The following ANKRD44 variants were observed in gnomAD, a reference collection of about 807,000 sequenced individuals.
The protein encoded by ANKRD44 is ankyrin repeat domain 44, also known as serine/threonine-protein phosphatase 6 regulatory ankyrin repeat subunit B.
In ANKRD44, 35 loss-of-function variants were observed where a neutral mutation model predicts 116.0. The ratio of observed to expected loss-of-function variants is 0.30; its 90% CI spans 0.23 to 0.40. ANKRD44 has a LOEUF of 0.40. Ranked by LOEUF, ANKRD44 falls within the 10% of genes least tolerant of loss-of-function variation. The pLI is 1.00. For missense variants in ANKRD44, 1,014 were observed against 1,242.6 expected, an observed-to-expected ratio of 0.82 and a Z score of 2.77; for synonymous variants, 435 against 461.8, an observed-to-expected ratio of 0.94 and a Z score of 0.74.
chr2:197,005,593 C>G (rs1035760614), intron 21 of ANKRD44, 101 bp downstream of exon 21: 2 of 1,087,422 alleles, frequency 1.8e-6, no homozygotes, highest in African/African-American at 3.2e-5. Context: ...AGATTAGAAA[C>G]CATGGTTTGC....
downstream of ANKRD44, among the ~76,000 whole-genome samples, chr2:196,983,838 T>C (rs1037164289): frequency 6.6e-6 from 1 of 152,194 alleles, no homozygotes; most frequent in African/African-American, 2.4e-5. Flanking sequence ...TGCCCCACCT[T>C]TGTGAGCAGG....
At position 197,160,991 on chromosome 2, in the gene ANKRD44, G is replaced by C. The variant is rs1489312578; in HGVS notation, c.112-13886C>G. 2.0e-5 allele frequency among the ~76,000 whole-genome samples: 3 copies of C among 152,074 alleles called. No individual in the cohort carries two copies. In the East Asian group the frequency reaches 5.8e-4, roughly 29 times the overall value. Reference sequence around the variant, plus strand: ...TAAATCCACCACAGACTCATTACAGGTCCTCAGGCAGATAACCAGGGGGTC... The same window carrying C: ...TAAATCCACCACAGACTCATTACAGCTCCTCAGGCAGATAACCAGGGGGTC... On this transcript the variant is annotated intron_variant, in intron 2 of 27. Coordinates refer to ENST00000282272, the MANE Select transcript of ANKRD44 (RefSeq NM_001195144.2).
chr2:197,140,020 CA>C lies in ANKRD44; in HGVS notation c.191-3359del, dbSNP rs561856353. 2.0e-5 allele frequency among the ~76,000 whole-genome samples: 3 copies of C among 151,704 alleles called. No homozygotes were observed. The South Asian group carries it at 6.2e-4, about 32-fold the overall frequency. On this transcript the variant is annotated intron_variant, in intron 3 of 27. Transcript: ENST00000282272. ...TCAGCCTCCCAAGTAGCTGGGATTACAGGTACCTGCCATCATGCCCACCTAA... is the reference window on the plus strand; with the variant it reads ...TCAGCCTCCCAAGTAGCTGGGATTACGGTACCTGCCATCATGCCCACCTAA...
At chr2:197,182,078 A>G (rs2080521468) in intron 2 of ANKRD44, among the ~76,000 whole-genome samples, 1 of 152,192 alleles carries the variant, frequency 6.6e-6, no homozygotes, top group Admixed American at 6.5e-5. Flanking sequence ...AATCCTCAAA[A>G]TGCCTTTATT....
chr2:197,204,410 C>A (rs890698976), intron 1 of ANKRD44, among the ~76,000 whole-genome samples: 3 of 151,982 alleles, frequency 2.0e-5, no homozygotes, highest in Non-Finnish European at 4.4e-5. Flanking sequence ...GAAAAATTTT[C>A]TTTAAAGATG....
intron 1 of ANKRD44, among the ~76,000 whole-genome samples, chr2:197,298,266 A>G (rs1275286929): frequency 6.6e-6 from 1 of 152,216 alleles, no homozygotes; most frequent in South Asian, 2.1e-4. Context: ...TGGCAACTCT[A>G]GTATCTAAAT....
chr2:197,227,351 A>C (rs2081741319), intron 1 of ANKRD44, among the ~76,000 whole-genome samples: 1 of 152,246 alleles, frequency 6.6e-6, no homozygotes, highest in Non-Finnish European at 1.5e-5. Context: ...GCAGAATTAG[A>C]GCAGGGACCT....
Position 196,988,663 on chromosome 2 carries a change from A to T in ANKRD44, c.*928T>A. ...TGAAATATCTCACATACACTATAAA[A>T]TAGCAATTTCCAGGGTGGAAATGGA... On this transcript the variant is annotated 3_prime_UTR_variant, in exon 28 of 28. Coordinates refer to ENST00000282272, the MANE Select transcript of ANKRD44 (RefSeq NM_001195144.2). 13 of 985,356 alleles carry T rather than the reference A, an allele frequency of 1.3e-5. No homozygotes were observed. The highest frequency in any genetic ancestry group is 1.6e-5 in the Non-Finnish European group (13 of 829,830). The allele number at this position is 985,356 out of a possible 1,614,324, so 61.0% of individuals were successfully genotyped here.
At chr2:196,971,772 G>A (rs965328307) in intron 21 of ANKRD44, among the ~76,000 whole-genome samples, 1 of 152,064 alleles carries the variant, frequency 6.6e-6, no homozygotes, top group Admixed American at 6.5e-5. Context: ...GAAGACAATT[G>A]CCCTGGCCCT....
Position 197,000,404 on chromosome 2 carries a change from T to C in ANKRD44, c.2519+15A>G. 1.2e-6 allele frequency: 2 copies of C among 1,608,314 alleles called. No homozygotes were observed. Among genetic ancestry groups the C allele is most frequent in the Non-Finnish European group, 1.7e-6 (2 of 1,174,894 alleles). The stretch of plus-strand genomic sequence containing the variant: ...GATTCATCAAGAAAAAAGCATGCTG[T>C]TTTAGATTACTTACCTGCCTTTGTC... On this transcript the variant is annotated intron_variant, in intron 23 of 27. Transcript: ENST00000282272.
At chr2:197,116,779 T>C (rs189279000) in intron 8 of ANKRD44, among the ~76,000 whole-genome samples, 82 of 152,264 alleles carry the variant, frequency 5.4e-4, no homozygotes, top group Middle Eastern at 3.4e-3. Flanking sequence ...TTTCTTCTGT[T>C]CTCTACCAGT....
intron 21 of ANKRD44, among the ~76,000 whole-genome samples, chr2:197,003,793 T>A (rs2076155636): frequency 6.6e-6 from 1 of 151,580 alleles, no homozygotes; most frequent in East Asian, 1.9e-4. Context: ...GCCAGAGAGC[T>A]CCCACAGCTT....
chr2:197,188,024 T>A (rs1320932915), intron 1 of ANKRD44, among the ~76,000 whole-genome samples: 2 of 152,234 alleles, frequency 1.3e-5, no homozygotes, highest in African/African-American at 4.8e-5. Flanking sequence ...GTGTCGGTAT[T>A]TGGAAAACCC....
chr2:197,152,511 C>T (rs143322648), intron 2 of ANKRD44, among the ~76,000 whole-genome samples: 104 of 152,246 alleles, frequency 6.8e-4, no homozygotes, highest in African/African-American at 2.1e-3. Flanking sequence ...TCCCATTCTA[C>T]GAATAGCCAA....
At chr2:197,047,271 C>T (rs555351509) in intron 16 of ANKRD44, among the ~76,000 whole-genome samples, 3 of 152,222 alleles carry the variant, frequency 2.0e-5, no homozygotes, top group African/African-American at 7.2e-5. Flanking sequence ...CCACCCGCCT[C>T]GGCCTCCCAA....
At chr2:197,099,156 G>A (rs2078232272) in intron 10 of ANKRD44, among the ~76,000 whole-genome samples, 1 of 151,990 alleles carries the variant, frequency 6.6e-6, no homozygotes, top group Non-Finnish European at 1.5e-5. Context: ...TCTCCTCCCT[G>A]TCTATATTCT....
intron 1 of ANKRD44, among the ~76,000 whole-genome samples, chr2:197,235,311 G>A (rs2081953865): frequency 6.6e-6 from 1 of 152,068 alleles, no homozygotes; most frequent in Non-Finnish European, 1.5e-5. Flanking sequence ...GTGCTGAGAG[G>A]GGCTCAAAAG....
chr2:197,161,607 C>G (rs1278994358), intron 2 of ANKRD44, among the ~76,000 whole-genome samples: 1 of 152,126 alleles, frequency 6.6e-6, no homozygotes, highest in Non-Finnish European at 1.5e-5. Context: ...ATGGATTAAA[C>G]ACTAATATAT....
rs2078950262 is a variant in ANKRD44, at chr2:197,125,308, T to C, written c.550+73A>G. The C allele has an allele frequency of 7.8e-5, 105 of 1,350,822 alleles. 1 individual carries two copies. In the South Asian group the frequency reaches 1.2e-3, roughly 15 times the overall value. The allele number at this position is 1,350,822 out of a possible 1,614,324, so 83.7% of individuals were successfully genotyped here. On this transcript the variant is annotated intron_variant, in intron 6 of 27. Coordinates refer to ENST00000282272, the MANE Select transcript of ANKRD44 (RefSeq NM_001195144.2). ...GAAGTCAGACTGGAGAAAACCTACA[T>C]GGTCAATGAGAGACCCATGGCTTAT...
Sources: allele counts gnomAD v4.1 joint callset (sites outside exome capture counted in the v4.1 genomes callset), GRCh38; gene constraint gnomAD v4.1.1; transcripts MANE v1.5; gene names NCBI Gene and HGNC (gene_info 2026-07-23, HGNC 2026-07-21).